Variants in RELN observed in about 807,000 individuals in gnomAD.
The protein encoded by RELN is reelin.
RELN carries 108 observed loss-of-function variants against 427.6 expected under a neutral mutation model. The observed-to-expected ratio is 0.25, with a 90% CI of 0.22 to 0.30. RELN has a LOEUF of 0.30. RELN is among the 10% of genes least tolerant of loss of function. The pLI is 1.00. For missense variants in RELN, 3,715 were observed against 4,302.8 expected (o/e 0.86, Z 3.82); for synonymous variants, 1,524 against 1,513.4 (o/e 1.01, Z -0.16).
At chr7:103,574,791 G>A (rs1163658156) in intron 29 of RELN, among the ~76,000 whole-genome samples, 1 of 152,118 alleles carries the variant, frequency 6.6e-6, no homozygotes, top group African/African-American at 2.4e-5. Flanking sequence ...CTGGGAAGAA[G>A]CCTTTTGAAG....
intron 26 of RELN, 54 bp downstream of exon 26, chr7:103,594,267 G>T: frequency 6.7e-7 from 1 of 1,496,442 alleles, no homozygotes; most frequent in Non-Finnish European, 9.3e-7. Context: ...AGTTCTTTAT[G>T]CCATTCACTT....
At chr7:103,734,789 G>A (rs1790449180) in intron 6 of RELN, among the ~76,000 whole-genome samples, 1 of 152,120 alleles carries the variant, frequency 6.6e-6, no homozygotes, top group East Asian at 1.9e-4. Flanking sequence ...TAAAAACAAT[G>A]TGCATTTCAA....
chr7:103,509,297 A>G (rs575598335), intron 51 of RELN, among the ~76,000 whole-genome samples: 4 of 152,324 alleles, frequency 2.6e-5, no homozygotes, highest in East Asian at 1.9e-4. Context: ...ACTGGTACCA[A>G]AACAGTTATA....
At chr7:103,945,040 T>A (rs947611717) in intron 1 of RELN, among the ~76,000 whole-genome samples, 2 of 152,152 alleles carry the variant, frequency 1.3e-5, no homozygotes, top group Admixed American at 1.3e-4. Context: ...TACCTGGCAG[T>A]GCCTCCAGTT....
In RELN at chr7:103,687,442, C is replaced by A. The variant is rs552479926; in HGVS notation, c.1144-5181G>T. 4.6e-5 allele frequency among the ~76,000 whole-genome samples: 7 copies of A among 152,204 alleles called. No homozygotes were observed. In the South Asian group the frequency reaches 1.0e-3, roughly 23 times the overall value. On this transcript the variant is annotated intron_variant, in intron 10 of 64. Coordinates refer to ENST00000428762, the MANE Select transcript of RELN (RefSeq NM_005045.4). ...GGGGAAGCCATTTGGCATCTCCGAGCCTCTGTTTTTTCATCTGTGAAATGG... is the reference window on the plus strand; with the variant it reads ...GGGGAAGCCATTTGGCATCTCCGAGACTCTGTTTTTTCATCTGTGAAATGG...
At chr7:103,795,432 G>A (rs766322222) in intron 3 of RELN, among the ~76,000 whole-genome samples, 2 of 152,160 alleles carry the variant, frequency 1.3e-5, no homozygotes, top group African/African-American at 2.4e-5. Context: ...GTGGATAATC[G>A]GGAGGGGACA....
At position 103,933,655 on chromosome 7, in the gene RELN, G is replaced by A. The variant is rs373188606; in HGVS notation, c.227-16470C>T. ...GGTTGCCTAAGAGCTAGTTAGAGACGGGTCCATCATTTTGCAACAGAAGAG... is the reference window on the plus strand; with the variant it reads ...GGTTGCCTAAGAGCTAGTTAGAGACAGGTCCATCATTTTGCAACAGAAGAG... On this transcript the variant is annotated intron_variant, in intron 1 of 64. Coordinates refer to ENST00000428762, the MANE Select transcript of RELN (RefSeq NM_005045.4). 8.5e-5 allele frequency among the ~76,000 whole-genome samples: 13 copies of A among 152,172 alleles called. No individual in the cohort carries two copies. The East Asian group carries it at 1.5e-3, about 18-fold the overall frequency.
intron 2 of RELN, among the ~76,000 whole-genome samples, chr7:103,855,264 T>C (rs1793918111): frequency 6.6e-6 from 1 of 152,144 alleles, no homozygotes; most frequent in African/African-American, 2.4e-5. Context: ...GTGGCCGAAA[T>C]ACAGTGGTGT....
intron 57 of RELN, 37 bp downstream of exon 57, chr7:103,495,686 A>T: frequency 6.2e-7 from 1 of 1,603,836 alleles, no homozygotes; most frequent in East Asian, 2.2e-5. Context: ...CCCAAATGCA[A>T]TGCTACTTTC....
intron 2 of RELN, among the ~76,000 whole-genome samples, chr7:103,910,002 C>T: frequency 7.2e-6 from 1 of 138,146 alleles, no homozygotes; most frequent in East Asian, 2.0e-4. Context: ...TTACCTTGGG[C>T]AGTATGGCCA....
At chr7:103,801,444 A>G (rs1457167444) in intron 3 of RELN, among the ~76,000 whole-genome samples, 1 of 152,146 alleles carries the variant, frequency 6.6e-6, no homozygotes, top group Non-Finnish European at 1.5e-5. Flanking sequence ...CATGGATGAA[A>G]ATGGAAACCA....
At position 103,651,753 on chromosome 7, in the gene RELN, G is replaced by A. The variant is rs1418670811; in HGVS notation, c.1800C>T (p.Ser600=). Residue 600 remains serine, a synonymous_variant, in exon 15 of 65, where the codon TCC becomes TCT. Transcript: ENST00000428762. ...SLEFSTNHGR[S]WSLLHTECLP... ...AGCATTCAGTGTGAAGGAGGGACCA[G>A]GAGCGCCCATGGTTGGTAGAAAATT... The A allele has an allele frequency of 1.2e-5, 20 of 1,611,804 alleles. No homozygotes were observed. Among genetic ancestry groups the A allele is most frequent in the Non-Finnish European group, 1.7e-5 (20 of 1,178,660 alleles).
intron 53 of RELN, among the ~76,000 whole-genome samples, chr7:103,499,682 T>C (rs890846045): frequency 6.6e-6 from 1 of 152,184 alleles, no homozygotes; most frequent in Non-Finnish European, 1.5e-5. Flanking sequence ...AGCAAATGAA[T>C]ACGTTTTATA....
At chr7:103,962,302 A>C (rs1032759370) in intron 1 of RELN, among the ~76,000 whole-genome samples, 3 of 151,912 alleles carry the variant, frequency 2.0e-5, no homozygotes, top group African/African-American at 7.3e-5. Context: ...CATGGAACAC[A>C]TTCCTCTCAA....
chr7:103,878,114 C>T (rs548333199), intron 2 of RELN, among the ~76,000 whole-genome samples: 1 of 152,232 alleles, frequency 6.6e-6, no homozygotes, highest in African/African-American at 2.4e-5. Context: ...ACCTTGGCCT[C>T]CCAAAGTGCT....
At chr7:103,552,481 C>T (rs563408105) in intron 40 of RELN, among the ~76,000 whole-genome samples, 1 of 150,394 alleles carries the variant, frequency 6.6e-6, no homozygotes, top group African/African-American at 2.4e-5. Flanking sequence ...CGAATATAGG[C>T]ACTTGTTTCT....
rs368849111 is a variant in RELN, at chr7:103,515,470, G to A, written c.7863-29C>T. On this transcript the variant is annotated intron_variant, in intron 49 of 64. Transcript: ENST00000428762. Reference sequence around the variant, plus strand: ...TAGGAAAATGATGGGGAAGGGTGTGGGGAAGAACCCTTGTCAAATATCTTC... The same window carrying A: ...TAGGAAAATGATGGGGAAGGGTGTGAGGAAGAACCCTTGTCAAATATCTTC... The A allele has an allele frequency of 7.5e-6, 12 of 1,610,524 alleles. No individual in the cohort carries two copies. In the African/African-American group the frequency reaches 1.1e-4, roughly 15 times the overall value.
rs769032002 is a variant in RELN, at chr7:103,661,449, A to G, written c.1368T>C (p.Asp456=). Residue 456 remains aspartate (D), a synonymous_variant, in exon 12 of 65, where the codon GAT becomes GAC. Coordinates refer to ENST00000428762, the MANE Select transcript of RELN (RefSeq NM_005045.4). The part of the protein sequence containing the change: ...ESGLSMVFLK[D]GERKLCTPSM... ...ATGGAGTGCATAATTTCCTCTCTCC[A>G]TCTTTGAGGAAGACCATTGATAAGC... 1.4e-5 allele frequency: 22 copies of G among 1,613,560 alleles called. No individual in the cohort carries two copies. The highest frequency in any genetic ancestry group is 1.9e-5 in the Non-Finnish European group (22 of 1,179,732).
At chr7:103,922,957 G>T (rs991486688) in intron 1 of RELN, among the ~76,000 whole-genome samples, 1 of 151,714 alleles carries the variant, frequency 6.6e-6, no homozygotes, top group Admixed American at 6.6e-5. Flanking sequence ...AGCATCAGAG[G>T]ATAGCAAATT....
Sources: gnomAD v4.1 joint callset for allele counts (sites outside exome capture counted in the v4.1 genomes callset) on GRCh38, gnomAD v4.1.1 for gene constraint, MANE v1.5 for transcripts, NCBI Gene and HGNC (gene_info 2026-07-23, HGNC 2026-07-21) for gene names.